Variants in CNTN4 observed in about 807,000 individuals in gnomAD.
CNTN4 encodes contactin-4.
In CNTN4, 77 loss-of-function variants were observed where a neutral mutation model predicts 122.5. That is an observed-to-expected ratio of 0.63 (90% CI 0.52 to 0.76). The LOEUF (loss-of-function observed/expected upper bound fraction) is 0.76, where lower values mean the gene tolerates loss of function less well. CNTN4 is among the 30% of genes least tolerant of loss of function. The pLI is 0.00. For missense variants in CNTN4, 1,256 were observed against 1,259.1 expected, an observed-to-expected ratio of 1.00 and a Z score of 0.04; for synonymous variants, 512 against 447.0, an observed-to-expected ratio of 1.15 and a Z score of -1.83.
At chr3:2,843,953 C>T (rs183058914) in intron 7 of CNTN4, among the ~76,000 whole-genome samples, 25 of 152,298 alleles carry the variant, frequency 1.6e-4, no homozygotes, top group Non-Finnish European at 3.7e-4. Context: ...GAAAAAAATC[C>T]AAACCTCTCA....
chr3:3,055,640 G>T (rs1391338324), intron 24 of CNTN4, among the ~76,000 whole-genome samples: 1 of 152,174 alleles, frequency 6.6e-6, no homozygotes, highest in African/African-American at 2.4e-5. Context: ...CCATTTACTA[G>T]CTGGGTGATC....
At chr3:2,295,490 C>G (rs1442553246) in intron 2 of CNTN4, among the ~76,000 whole-genome samples, 9 of 77,492 alleles carry the variant, frequency 1.2e-4, no homozygotes. Flanking sequence ...TGAGAAATGT[C>G]TGTTCATATC....
At chr3:2,844,222 C>A (rs966620619) in intron 7 of CNTN4, among the ~76,000 whole-genome samples, 2 of 152,208 alleles carry the variant, frequency 1.3e-5, no homozygotes. Flanking sequence ...TACTCACCAT[C>A]CTTCTCCATC....
chr3:3,010,864 C>G (rs1458576989), intron 14 of CNTN4, among the ~76,000 whole-genome samples: 1 of 152,088 alleles, frequency 6.6e-6, no homozygotes, highest in East Asian at 1.9e-4. Context: ...ACATGATAAG[C>G]ATTCTAAATC....
At chr3:2,351,431 A>C (rs2044617443) in intron 3 of CNTN4, among the ~76,000 whole-genome samples, 1 of 152,154 alleles carries the variant, frequency 6.6e-6, no homozygotes, top group Non-Finnish European at 1.5e-5. Context: ...TTCTTCCTCA[A>C]AGATGGGACA....
chr3:3,041,778 A>C (rs886099597), intron 20 of CNTN4, among the ~76,000 whole-genome samples: 1 of 152,172 alleles, frequency 6.6e-6, no homozygotes, highest in African/African-American at 2.4e-5. Flanking sequence ...CCTGGGCAAC[A>C]TAGCAAGATC....
chr3:2,696,773 G>A (rs1949343), intron 4 of CNTN4, among the ~76,000 whole-genome samples: 28,585 of 152,028 alleles, frequency 0.19, 2,950 homozygotes, highest in South Asian at 0.4. Flanking sequence ...GAATAAAGTA[G>A]CATATATGAT....
chr3:2,494,103 T>C (rs2076389460), intron 3 of CNTN4, among the ~76,000 whole-genome samples: 1 of 152,140 alleles, frequency 6.6e-6, no homozygotes, highest in Non-Finnish European at 1.5e-5. Flanking sequence ...TTACATGTTA[T>C]TGAACCAATT....
At chr3:2,410,610 G>A (rs1015176586) in intron 3 of CNTN4, among the ~76,000 whole-genome samples, 1 of 152,044 alleles carries the variant, frequency 6.6e-6, no homozygotes, top group Non-Finnish European at 1.5e-5. Context: ...TTCATTGCTG[G>A]TGGTCAAATA....
intron 3 of CNTN4, among the ~76,000 whole-genome samples, chr3:2,371,698 T>G (rs1191459054): frequency 6.6e-6 from 1 of 152,222 alleles, no homozygotes. Context: ...TTATTTTTCA[T>G]GTAACATATA....
At chr3:2,176,994 A>G (rs960579758) in intron 2 of CNTN4, among the ~76,000 whole-genome samples, 1 of 152,176 alleles carries the variant, frequency 6.6e-6, no homozygotes, top group African/African-American at 2.4e-5. Context: ...ATGCAGAAAT[A>G]TAAAGGTAAA....
intron 2 of CNTN4, among the ~76,000 whole-genome samples, chr3:2,273,393 G>A (rs1192269632): frequency 6.6e-6 from 1 of 152,130 alleles, no homozygotes; most frequent in Non-Finnish European, 1.5e-5. Flanking sequence ...AGCTTGTTTT[G>A]CAATGTGGGC....
At chr3:2,848,806 A>T (rs1311422464) in intron 7 of CNTN4, among the ~76,000 whole-genome samples, 1 of 152,208 alleles carries the variant, frequency 6.6e-6, no homozygotes, top group Non-Finnish European at 1.5e-5. Context: ...CCACTCTTAA[A>T]CCAATTATGG....
At chr3:2,622,638 G>C (rs898898833) in intron 4 of CNTN4, among the ~76,000 whole-genome samples, 1 of 152,198 alleles carries the variant, frequency 6.6e-6, no homozygotes, top group African/African-American at 2.4e-5. Context: ...GGCAGTTATG[G>C]AGAAATAATA....
intron 4 of CNTN4, among the ~76,000 whole-genome samples, chr3:2,616,170 AGTGTGT>A (rs1449853545): frequency 5.5e-5 from 7 of 127,238 alleles, no homozygotes; most frequent in African/African-American, 2.2e-4. Flanking sequence ...CAACAGGCCC[AGTGTGT>A]GTTGTTCCCC....
At chr3:2,285,161 GTAGAGAT>G (rs1307231800) in intron 2 of CNTN4, among the ~76,000 whole-genome samples, 1 of 152,012 alleles carries the variant, frequency 6.6e-6, no homozygotes, top group African/African-American at 2.4e-5. Context: ...TGTCAAACAT[GTAGAGAT>G]TGGAGTTCCT....
At chr3:3,029,642 C>T (rs550496152) in intron 15 of CNTN4, among the ~76,000 whole-genome samples, 15 of 152,260 alleles carry the variant, frequency 9.9e-5, no homozygotes, top group East Asian at 3.9e-4. Flanking sequence ...ATGGTCTTTC[C>T]GGATGCTAGT....
In CNTN4 at chr3:2,334,835, A is replaced by G. The variant is rs184674311; in HGVS notation, c.-144-4343A>G. Among the ~76,000 whole-genome samples, 98 of 152,238 alleles carry G rather than the reference A, an allele frequency of 6.4e-4. No homozygotes were observed. The Middle Eastern group carries it at 0.014, about 21-fold the overall frequency. ...AGATGCCGCATCTGGGTTTTTGAAC[A>G]TGTTCGTTAGAATTATTTTCATGCT... is the stretch of plus-strand genomic sequence containing the variant. On this transcript the variant is annotated intron_variant, in intron 2 of 24. Transcript: ENST00000418658.
chr3:2,787,113 A>C (rs2091859121), intron 6 of CNTN4, among the ~76,000 whole-genome samples: 1 of 152,166 alleles, frequency 6.6e-6, no homozygotes. Context: ...GCGGTGGCTC[A>C]TACCTGTAAA....
Sources: gnomAD v4.1 joint callset for allele counts (sites outside exome capture counted in the v4.1 genomes callset) on GRCh38, gnomAD v4.1.1 for gene constraint, MANE v1.5 for transcripts, NCBI Gene and HGNC (gene_info 2026-07-23, HGNC 2026-07-21) for gene names.